Variants in THEMIS2 observed in about 807,000 individuals in gnomAD.
The protein encoded by THEMIS2 is protein THEMIS2.
A neutral mutation model predicts 46.8 loss-of-function variants in THEMIS2; 29 were observed. That is an observed-to-expected ratio of 0.62 (90% CI 0.46 to 0.84). THEMIS2 has a LOEUF of 0.84. Ranked by LOEUF, THEMIS2 falls within the 40% of genes least tolerant of loss-of-function variation. THEMIS2 has a pLI of 0.00. For missense variants in THEMIS2, 698 were observed against 834.7 expected (o/e 0.84, Z 2.02); for synonymous variants, 335 against 349.1 (o/e 0.96, Z 0.45).
chr1:27,874,241 C>T (rs895290607), intron 1 of THEMIS2, among the ~76,000 whole-genome samples: 1 of 149,900 alleles, frequency 6.7e-6, no homozygotes, highest in African/African-American at 2.5e-5. Context: ...TGTCATTTTG[C>T]CCAGGCCGGT....
At chr1:27,884,494 T>C (rs1431737673) in intron 4 of THEMIS2, 1 of 152,290 alleles carries the variant, frequency 6.6e-6, no homozygotes, top group Non-Finnish European at 1.5e-5. Context: ...TTTCTGACAA[T>C]GGCTGGACTG....
At chr1:27,876,852 C>A in intron 2 of THEMIS2, 124 bp downstream of exon 2, 1 of 1,182,542 alleles carries the variant, frequency 8.5e-7, no homozygotes, top group Non-Finnish European at 1.2e-6. Flanking sequence ...CCGAGGCCCT[C>A]ACATTCACCA....
intron 2 of THEMIS2, 57 bp from the exon 3 acceptor site, chr1:27,879,587 G>C: frequency 6.8e-7 from 1 of 1,476,340 alleles, no homozygotes; most frequent in South Asian, 1.3e-5. Context: ...CCTGACAAAG[G>C]CCTGCCCCAC....
chr1:27,875,999 A>G (rs781014213), intron 1 of THEMIS2, among the ~76,000 whole-genome samples: 17 of 151,706 alleles, frequency 1.1e-4, no homozygotes, highest in Non-Finnish European at 2.5e-4. Flanking sequence ...ACCGCGCCCA[A>G]CCCTCACTTA....
intron 2 of THEMIS2, among the ~76,000 whole-genome samples, chr1:27,877,411 T>C (rs1054420201): frequency 2.6e-5 from 4 of 152,210 alleles, no homozygotes; most frequent in South Asian, 4.1e-4. Flanking sequence ...CTGCAAGCTC[T>C]GCCTCCCGGG....
chr1:27,881,078 C>T (rs191307421), intron 3 of THEMIS2, among the ~76,000 whole-genome samples: 119 of 151,778 alleles, frequency 7.8e-4, no homozygotes, highest in African/African-American at 2.8e-3. Flanking sequence ...CCGAGCACAG[C>T]CTAAAAATAA....
At chr1:27,874,419 T>C (rs773388212) in intron 1 of THEMIS2, among the ~76,000 whole-genome samples, 2 of 151,968 alleles carry the variant, frequency 1.3e-5, no homozygotes, top group Non-Finnish European at 2.9e-5. Context: ...GGTGGGAAGA[T>C]TGCTTGAGCC....
intron 3 of THEMIS2, 32 bp from the exon 4 acceptor site, chr1:27,881,939 A>G (rs1486445623): frequency 1.3e-6 from 2 of 1,558,260 alleles, no homozygotes; most frequent in South Asian, 2.4e-5. Context: ...CTGGGGTGGC[A>G]TGCAGTGCCA....
In THEMIS2 at chr1:27,882,872, A is replaced by G. The variant is rs760749452; in HGVS notation, c.1548A>G (p.Pro516=). 3.4e-5 allele frequency: 55 copies of G among 1,613,852 alleles called. No homozygotes were observed. The highest frequency in any genetic ancestry group is 2.3e-4 in the Admixed American group (14 of 59,992). Residue 516 remains proline, a synonymous_variant, in exon 4 of 6, where the codon CCA becomes CCG. Coordinates refer to ENST00000373921, the MANE Select transcript of THEMIS2 (RefSeq NM_001105556.3). This position sits in a 1 kb window ranked among gnomAD's most constrained non-coding sequence, Gnocchi z 7.6. ...DLTVVKAKGQ[P]DLPEGSLPIA... is the part of the protein sequence containing the mutation. ...CTGTTGTGAAGGCCAAGGGGCAGCC[A>G]GACTTGCCAGAGGGGTCTCTCCCCA...
intron 1 of THEMIS2, among the ~76,000 whole-genome samples, chr1:27,875,000 A>T (rs1462753381): frequency 2.0e-5 from 3 of 147,908 alleles, no homozygotes; most frequent in South Asian, 2.1e-4. Context: ...TTTTTTTGAG[A>T]TGGAGTCTCC....
rs2089707064 is a variant in THEMIS2 at position 27,882,790 on chromosome 1, G to C, written c.1466G>C (p.Ser489Thr). Residue 489 changes from serine to threonine, a missense_variant, in exon 4 of 6, where the codon AGC (serine) becomes ACC (threonine). Physicochemically the swap from Ser to Thr is moderately conservative, Grantham distance 58. Coordinates refer to ENST00000373921, the MANE Select transcript of THEMIS2 (RefSeq NM_001105556.3). This position sits in a 1 kb window ranked among gnomAD's most constrained non-coding sequence, Gnocchi z 7.6. ...ATCACAGAGCCATTCTTGGTGGTGAGCCTAGACTCTGAGCCTGGGATGTGC... is the reference window on the plus strand; with the variant it reads ...ATCACAGAGCCATTCTTGGTGGTGACCCTAGACTCTGAGCCTGGGATGTGC... ...EKITEPFLVV[S>T]LDSEPGMCFE... 6.2e-7 allele frequency: 1 copy of C among 1,613,794 alleles called. No homozygotes were observed. Among genetic ancestry groups the C allele is most frequent in the Non-Finnish European group, 8.5e-7 (1 of 1,179,906 alleles).
At chr1:27,874,033 G>GTTTTT (rs1256524975) in intron 1 of THEMIS2, among the ~76,000 whole-genome samples, 1 of 97,162 alleles carries the variant, frequency 1.0e-5, no homozygotes, top group African/African-American at 5.2e-5. Context: ...TTCAACCTAG[G>GTTTTT]TTTTTTTTTT....
At chr1:27,874,814 G>T (rs2089549215) in intron 1 of THEMIS2, among the ~76,000 whole-genome samples, 3 of 151,230 alleles carry the variant, frequency 2.0e-5, no homozygotes, top group Admixed American at 2.0e-4. Flanking sequence ...GCCCAGGCTG[G>T]TCTTGAATTC....
chr1:27,874,435 G>A (rs1333294001), intron 1 of THEMIS2, among the ~76,000 whole-genome samples: 2 of 151,910 alleles, frequency 1.3e-5, no homozygotes, highest in African/African-American at 4.8e-5. Context: ...GAGCCTAGGA[G>A]TTCGAGATCA....
intron 4 of THEMIS2, 83 bp from the exon 5 acceptor site, chr1:27,885,212 C>A: frequency 7.0e-7 from 1 of 1,436,772 alleles, no homozygotes; most frequent in Middle Eastern, 1.8e-4. Flanking sequence ...GAGGAAGTGA[C>A]ACTTAACGTG....
At position 27,872,801 on chromosome 1, in the gene THEMIS2, T is replaced by TG; in HGVS notation, c.94+136_94+137insG. On this transcript the variant is annotated intron_variant, in intron 1 of 5. Coordinates refer to ENST00000373921, the MANE Select transcript of THEMIS2 (RefSeq NM_001105556.3). This position sits in a 1 kb window ranked among gnomAD's most constrained non-coding sequence, Gnocchi z 4.9. ...CACTGCCACTGGCCAAGCTGTGTGA[T>TG]TTGGGGCCGCACTCAACCTCTTTGG... 1 of 713,406 alleles carries TG rather than the reference T, an allele frequency of 1.4e-6. No homozygotes were observed. The highest frequency in any genetic ancestry group is 2.0e-6 in the Non-Finnish European group (1 of 505,236). The allele number at this position is 713,406 out of a possible 1,614,324, so 44.2% of individuals were successfully genotyped here.
intron 4 of THEMIS2, 51 bp from the exon 5 acceptor site, chr1:27,885,244 C>T (rs2089748839): frequency 6.3e-7 from 1 of 1,596,498 alleles, no homozygotes; most frequent in African/African-American, 1.3e-5. Flanking sequence ...TTCATGGACT[C>T]TGCTTCCCCA....
intron 2 of THEMIS2, among the ~76,000 whole-genome samples, chr1:27,878,097 T>G (rs7538831): frequency 0.14 from 18,303 of 134,236 alleles, 1,501 homozygotes; most frequent in African/African-American, 0.25. Context: ...TTGCAGCCTG[T>G]GCAATAGAGA....
At position 27,876,631 on chromosome 1, in the gene THEMIS2, G is replaced by T; in HGVS notation, c.138G>T (p.Thr46=). The change falls in exon 2 of 6, where the codon ACG becomes ACT. Residue 46 remains threonine (T), a synonymous_variant. Transcript: ENST00000373921. ...EISGNECCLS[T]GDLIKVTQVR... ...CTGGGAATGAGTGCTGCCTCTCCAC[G>T]GGGGACCTGATCAAGGTCACCCAGG... 6.2e-7 allele frequency: 1 copy of T among 1,613,948 alleles called. No homozygotes were observed. The highest frequency in any genetic ancestry group is 8.5e-7 in the Non-Finnish European group (1 of 1,179,974).
Sources: allele counts gnomAD v4.1 joint callset (sites outside exome capture counted in the v4.1 genomes callset), GRCh38; gene constraint gnomAD v4.1.1; non-coding constraint Gnocchi (gnomAD v3.1); transcripts MANE v1.5; gene names NCBI Gene and HGNC (gene_info 2026-07-23, HGNC 2026-07-21).